RAMP3: variants seen among roughly 807,000 people sequenced by gnomAD.
The protein encoded by RAMP3 is receptor activity modifying protein 3.
Under a neutral mutation model 13.5 loss-of-function variants are expected in RAMP3, and 14 were observed. The observed-to-expected ratio is 1.04, with a 90% CI of 0.69 to 1.63. The LOEUF is 1.63. Ranked by LOEUF, RAMP3 falls within the 40% of genes most tolerant of loss-of-function variation. The pLI is 0.00. For synonymous variants in RAMP3, 106 were observed against 88.3 expected, an observed-to-expected ratio of 1.20 and a Z score of -1.12; for missense variants, 200 against 204.8, an observed-to-expected ratio of 0.98 and a Z score of 0.14.
intron 2 of RAMP3, among the ~76,000 whole-genome samples, chr7:45,181,478 C>T (rs1786313592): frequency 6.6e-6 from 1 of 152,172 alleles, no homozygotes; most frequent in Non-Finnish European, 1.5e-5. Flanking sequence ...CTCATCTCAG[C>T]CCTGGGGATG....
At chr7:45,160,488 G>A (rs1014997896) in intron 1 of RAMP3, among the ~76,000 whole-genome samples, 3 of 151,796 alleles carry the variant, frequency 2.0e-5, no homozygotes, top group African/African-American at 7.3e-5. Context: ...ACAGAAATCT[G>A]GAGGTTAGAG....
chr7:45,177,297 T>C lies in RAMP3; in HGVS notation c.59-12T>C. ...AACTGTAGTGGAATTCTTATGGCTG[T>C]CCCCTCTCCAGGTGGGTGTCCCAGA... On this transcript the variant is annotated splice_polypyrimidine_tract_variant and intron_variant, in intron 1 of 2. Transcript: ENST00000242249. The C allele has an allele frequency of 3.1e-6, 5 of 1,613,944 alleles. No homozygotes were observed. Among genetic ancestry groups the C allele is most frequent in the Non-Finnish European group, 4.2e-6 (5 of 1,179,934 alleles).
chr7:45,179,899 G>A (rs139605087), intron 2 of RAMP3, among the ~76,000 whole-genome samples: 1 of 152,336 alleles, frequency 6.6e-6, no homozygotes, highest in East Asian at 1.9e-4. Flanking sequence ...TGAGCTCTAG[G>A]TTGGAGATGA....
At chr7:45,173,297 C>CT (rs1786115495) in intron 1 of RAMP3, among the ~76,000 whole-genome samples, 1 of 152,212 alleles carries the variant, frequency 6.6e-6, no homozygotes, top group Non-Finnish European at 1.5e-5. Context: ...AGTGTGTCCG[C>CT]TTATCTTCTC....
At chr7:45,183,074 C>T (rs1043948385) in intron 2 of RAMP3, 83 bp from the exon 3 acceptor site, 1 of 1,566,032 alleles carries the variant, frequency 6.4e-7, no homozygotes, top group Non-Finnish European at 8.6e-7. Context: ...CCAAGCCACC[C>T]CACCCATCTT....
intron 1 of RAMP3, chr7:45,163,502 A>G (rs1785901869): frequency 1.0e-6 from 1 of 985,116 alleles, no homozygotes; most frequent in South Asian, 4.7e-5. Flanking sequence ...ATTGTGGAGG[A>G]AGAGGGGCAG....
At chr7:45,162,378 G>A (rs1785882311) in intron 1 of RAMP3, among the ~76,000 whole-genome samples, 1 of 152,206 alleles carries the variant, frequency 6.6e-6, no homozygotes, top group African/African-American at 2.4e-5. Flanking sequence ...CGGGGACCAG[G>A]GCTAAGTGGG....
intron 1 of RAMP3, among the ~76,000 whole-genome samples, chr7:45,168,309 G>A (rs6978682): frequency 0.014 from 2,112 of 150,542 alleles, 57 homozygotes; most frequent in African/African-American, 0.049. Context: ...GGCTGAGTGA[G>A]GCATGAGAAT....
chr7:45,163,943 G>C (rs1785912290), intron 1 of RAMP3: 1 of 963,004 alleles, frequency 1.0e-6, no homozygotes, highest in Admixed American at 6.2e-5. Flanking sequence ...TGAAGGTTCA[G>C]AGGGCCTATT....
intron 1 of RAMP3, among the ~76,000 whole-genome samples, chr7:45,159,001 G>A (rs757090507): frequency 2.0e-5 from 3 of 152,204 alleles, no homozygotes; most frequent in Non-Finnish European, 2.9e-5. Context: ...GATCTTGGTC[G>A]CTATAGTGGA....
intron 2 of RAMP3, among the ~76,000 whole-genome samples, chr7:45,179,771 C>T (rs1223548118): frequency 1.3e-5 from 2 of 152,116 alleles, no homozygotes; most frequent in African/African-American, 2.4e-5. Context: ...AGCTTGCAGC[C>T]GGTGAGGGCT....
At chr7:45,166,337 CT>C (rs1013812669) in intron 1 of RAMP3, among the ~76,000 whole-genome samples, 2 of 152,046 alleles carry the variant, frequency 1.3e-5, no homozygotes, top group African/African-American at 4.8e-5. Flanking sequence ...GTCTGACTGC[CT>C]TTTTGATGAT....
chr7:45,177,318 C>A lies in RAMP3; in HGVS notation c.68C>A (p.Pro23His). ...PLLLLLCGGC[P>H]RAGGCNETGM... ...GCTGTCCCCTCTCCAGGTGGGTGTC[C>A]CAGAGCAGGCGGCTGCAACGAGACA... The change falls in exon 2 of 3, where the codon CCC (proline) becomes CAC (histidine). Residue 23 changes from proline (P) to histidine (H), a missense_variant. By Grantham distance (77) the Pro-to-His change is moderately conservative. Transcript: ENST00000242249. 1 of 1,614,112 alleles carries A rather than the reference C, an allele frequency of 6.2e-7. No individual in the cohort carries two copies. The highest frequency in any genetic ancestry group is 8.5e-7 in the Non-Finnish European group (1 of 1,179,988).
rs376139265 is a variant in RAMP3, at chr7:45,183,346, C to G, written c.381C>G (p.Val127=). 4.3e-6 allele frequency: 7 copies of G among 1,613,890 alleles called. No individual in the cohort carries two copies. The Admixed American group carries it at 1.0e-4, about 23-fold the overall frequency. ...EVLIPLIVIP[V]VLTVAMAGLV... Reference sequence around the variant, plus strand: ...TCATCCCGCTGATCGTTATACCCGTCGTTCTGACTGTCGCCATGGCTGGCC... The same window carrying G: ...TCATCCCGCTGATCGTTATACCCGTGGTTCTGACTGTCGCCATGGCTGGCC... Residue 127 remains valine (V), a synonymous_variant, in exon 3 of 3, where the codon GTC becomes GTG. Coordinates refer to ENST00000242249, the MANE Select transcript of RAMP3 (RefSeq NM_005856.3).
intron 2 of RAMP3, 25 bp from the exon 3 acceptor site, chr7:45,183,132 G>A (rs371987176): frequency 1.1e-5 from 17 of 1,604,442 alleles, no homozygotes; most frequent in African/African-American, 1.3e-5. Flanking sequence ...CGAGAGCCTG[G>A]CTTTCACCCC....
chr7:45,170,264 G>A (rs7781213), intron 1 of RAMP3, among the ~76,000 whole-genome samples: 39,722 of 150,522 alleles, frequency 0.26, 6,295 homozygotes, highest in African/African-American at 0.45. Flanking sequence ...AGCTTAGTTT[G>A]ATCTTCTTTG....
intron 1 of RAMP3, among the ~76,000 whole-genome samples, chr7:45,161,943 T>C (rs1785875751): frequency 6.6e-6 from 1 of 151,814 alleles, no homozygotes. Context: ...AGAGAATCTG[T>C]TAGGGAGTGA....
At chr7:45,163,508 G>T (rs1785902287) in intron 1 of RAMP3, 1 of 985,422 alleles carries the variant, frequency 1.0e-6, no homozygotes, top group South Asian at 4.7e-5. Context: ...GAGGAAGAGG[G>T]GCAGGTGCTG....
chr7:45,163,487 G>A, intron 1 of RAMP3: 1 of 985,460 alleles, frequency 1.0e-6, no homozygotes, highest in Non-Finnish European at 1.2e-6. Flanking sequence ...ATGGGGGACA[G>A]TCTGATTGTG....
Sources: allele counts gnomAD v4.1 joint callset (sites outside exome capture counted in the v4.1 genomes callset), GRCh38; gene constraint gnomAD v4.1.1; transcripts MANE v1.5; gene names NCBI Gene and HGNC (gene_info 2026-07-23, HGNC 2026-07-21).